Variants in ADAD1 observed in about 807,000 individuals in gnomAD.
ADAD1 encodes adenosine deaminase domain containing 1, also known as adenosine deaminase domain-containing protein 1.
Under a neutral mutation model 66.8 loss-of-function variants are expected in ADAD1, and 46 were observed. The ratio of observed to expected loss-of-function variants is 0.69; its 90% CI spans 0.54 to 0.88. The LOEUF (loss-of-function observed/expected upper bound fraction) is 0.88. Ranked by LOEUF, ADAD1 falls within the 40% of genes least tolerant of loss-of-function variation. ADAD1 has a pLI of 0.00. For synonymous variants in ADAD1, 248 were observed against 229.4 expected (o/e 1.08, Z -0.73); for missense variants, 617 against 681.8 (o/e 0.91, Z 1.06).
chr4:122,381,306 T>C (rs896183300), intron 4 of ADAD1, 126 bp downstream of exon 4: 4 of 971,992 alleles, frequency 4.1e-6, no homozygotes, highest in Non-Finnish European at 5.8e-6. Flanking sequence ...ACAAGAATAC[T>C]TAAATGTTTA....
At chr4:122,403,412 C>T (rs927685693) in intron 7 of ADAD1, among the ~76,000 whole-genome samples, 1 of 152,178 alleles carries the variant, frequency 6.6e-6, no homozygotes, top group Non-Finnish European at 1.5e-5. Flanking sequence ...GCGAAGTGGA[C>T]TCTGTGGGAA....
chr4:122,414,262 A>T, intron 10 of ADAD1, among the ~76,000 whole-genome samples: 3 of 109,240 alleles, frequency 2.7e-5, no homozygotes, highest in South Asian at 4.1e-4. Context: ...CTTTTTCCAA[A>T]TGTCTTTTTT....
At chr4:122,416,333 G>C (rs907035421) in intron 11 of ADAD1, among the ~76,000 whole-genome samples, 1 of 152,174 alleles carries the variant, frequency 6.6e-6, no homozygotes, top group African/African-American at 2.4e-5. Flanking sequence ...TGTTCTTTTA[G>C]TGTGAACATA....
At chr4:122,420,373 T>TTA (rs1796946797) in intron 11 of ADAD1, among the ~76,000 whole-genome samples, 1 of 152,244 alleles carries the variant, frequency 6.6e-6, no homozygotes, top group South Asian at 2.1e-4. Flanking sequence ...TGAGCTGATC[T>TTA]TAGCCTGTGT....
rs959210665 is a variant in ADAD1, at chr4:122,421,266, C to T, written c.1493C>T (p.Pro498Leu). ...GLSGKITESS[P>L]FKSGMSMASR... ...TTTTATTTCTCTCTGCTTAGTTCCC[C>T]ATTTAAAAGTGGTATGTCAATGGCA... is the stretch of plus-strand genomic sequence containing the variant. Residue 498 changes from proline (P) to leucine (L), a missense_variant, in exon 12 of 13, where the codon CCA becomes CTA. Transcript: ENST00000296513. 1.9e-6 allele frequency: 3 copies of T among 1,587,460 alleles called. No individual in the cohort carries two copies. The highest frequency in any genetic ancestry group is 2.6e-6 in the Non-Finnish European group (3 of 1,163,792).
In ADAD1 at chr4:122,412,767, A is replaced by G. The variant is rs1340778292; in HGVS notation, c.1207A>G (p.Ser403Gly). ...GCTTGGTGTACAGGGAGCATTGCTG[A>G]GTCATTTTATACAGCCAGTTTACAT... is the stretch of plus-strand genomic sequence containing the variant. ...EVLGVQGALLSHFIQPVYISS... is the reference protein window; with the variant it reads ...EVLGVQGALLGHFIQPVYISS... The change falls in exon 10 of 13, where the codon AGT becomes GGT. Residue 403 changes from serine to glycine, a missense_variant. Ser to Gly is a moderately conservative substitution (Grantham distance 56). Transcript: ENST00000296513. The G allele has an allele frequency of 2.5e-6, 4 of 1,613,758 alleles. No homozygotes were observed. Among genetic ancestry groups the G allele is most frequent in the Non-Finnish European group, 3.4e-6 (4 of 1,179,800 alleles).
Position 122,381,052 on chromosome 4 carries a change from C to A in ADAD1, c.233C>A (p.Pro78His). The change falls in exon 4 of 13, where the codon CCT becomes CAT. Residue 78 changes from proline (P) to histidine (H), a missense_variant. Transcript: ENST00000296513. ...NLSSISNPVL[P>H]PKKIPKEFIM... is the part of the protein sequence containing the mutation. The stretch of plus-strand genomic sequence containing the variant: ...TCATCTATTTCAAATCCTGTCCTTC[C>A]TCCAAAAAAAATACCTAAGGAATTT... 1 of 1,599,002 alleles carries A rather than the reference C, an allele frequency of 6.3e-7. No individual in the cohort carries two copies. Among genetic ancestry groups the A allele is most frequent in the Non-Finnish European group, 8.5e-7 (1 of 1,176,684 alleles).
At position 122,411,236 on chromosome 4, in the gene ADAD1, A is replaced by G; in HGVS notation, c.863A>G (p.Gln288Arg). Residue 288 changes from glutamine to arginine, a missense_variant, in exon 9 of 13, where the codon CAA (glutamine) becomes CGA (arginine). Transcript: ENST00000296513. ...RRSLLRYFYR[Q>R]LLLFYSKNPA... ...ATTTATTTTAGGTACTTTTATAGAC[A>G]ACTTCTGCTCTTCTACAGCAAAAAT... 1 of 1,597,434 alleles carries G rather than the reference A, an allele frequency of 6.3e-7. No individual in the cohort carries two copies. The highest frequency in any genetic ancestry group is 8.5e-7 in the Non-Finnish European group (1 of 1,175,634).
chr4:122,423,610 AAG>A, intron 12 of ADAD1, among the ~76,000 whole-genome samples: 1 of 152,290 alleles, frequency 6.6e-6, no homozygotes, highest in Non-Finnish European at 1.5e-5. Flanking sequence ...AAATTTGAAA[AAG>A]AAAAAAAGTT....
intron 4 of ADAD1, 69 bp from the exon 5 acceptor site, chr4:122,383,730 A>G (rs998925938): frequency 6.2e-6 from 9 of 1,459,768 alleles, no homozygotes; most frequent in East Asian, 2.4e-5. Flanking sequence ...ATGTTTTCCT[A>G]TGTACATACA....
At position 122,415,760 on chromosome 4, in the gene ADAD1, C is replaced by T. The variant is rs77446285; in HGVS notation, c.1487+144C>T. ...TCATTAGTCAAGTGTGACTATGTTA[C>T]AGGCATTGTACTAATTTTAAAAATT... is the stretch of plus-strand genomic sequence containing the variant. On this transcript the variant is annotated intron_variant, in intron 11 of 12. Coordinates refer to ENST00000296513, the MANE Select transcript of ADAD1 (RefSeq NM_139243.4). 6,036 of 763,858 alleles carry T rather than the reference C, an allele frequency of 7.9e-3. 61 individuals are homozygous for T. The highest frequency in any genetic ancestry group is 0.031 in the South Asian group (1,310 of 42,408). 47.3% of individuals were successfully genotyped at this position (763,858 alleles called of 1,614,324 possible).
At chr4:122,396,448 G>T in intron 7 of ADAD1, 71 bp downstream of exon 7, 1 of 1,304,378 alleles carries the variant, frequency 7.7e-7, no homozygotes, top group Non-Finnish European at 1.0e-6. Context: ...AACTATCTTT[G>T]CCCCTGTACA....
chr4:122,388,824 T>C (rs1335134787), intron 5 of ADAD1, among the ~76,000 whole-genome samples: 1 of 152,162 alleles, frequency 6.6e-6, no homozygotes, highest in African/African-American at 2.4e-5. Context: ...AAACAGCTTC[T>C]GGATTCGATT....
chr4:122,404,035 G>A (rs1229491383), intron 7 of ADAD1, among the ~76,000 whole-genome samples: 3 of 152,170 alleles, frequency 2.0e-5, no homozygotes, highest in African/African-American at 4.8e-5. Flanking sequence ...CCCGCCAACA[G>A]AGCCCAGTTT....
At chr4:122,400,758 A>G (rs935712776) in intron 7 of ADAD1, among the ~76,000 whole-genome samples, 3 of 152,078 alleles carry the variant, frequency 2.0e-5, no homozygotes, top group Admixed American at 1.3e-4. Context: ...GAATTTATCC[A>G]TCTCTTCTAG....
At chr4:122,380,945 G>A (rs769173048) in intron 3 of ADAD1, 47 bp from the exon 4 acceptor site, 2 of 1,503,692 alleles carry the variant, frequency 1.3e-6, no homozygotes, top group South Asian at 1.3e-5. Flanking sequence ...GCTCATTTTT[G>A]TTTGTTTGTT....
At chr4:122,426,933 G>A (rs1797266753) in intron 12 of ADAD1, among the ~76,000 whole-genome samples, 1 of 152,208 alleles carries the variant, frequency 6.6e-6, no homozygotes, top group African/African-American at 2.4e-5. Context: ...TGGGGAAGAA[G>A]GCGAGAATGT....
chr4:122,404,067 G>A (rs557770350), intron 7 of ADAD1, among the ~76,000 whole-genome samples: 1 of 152,300 alleles, frequency 6.6e-6, no homozygotes, highest in South Asian at 2.1e-4. Context: ...GCAGCAGGCA[G>A]CGCTGAGATC....
rs1029272262 is a variant in ADAD1, at chr4:122,383,852, T to C, written c.415T>C (p.Tyr139His). 6 of 1,613,844 alleles carry C rather than the reference T, an allele frequency of 3.7e-6. No individual in the cohort carries two copies. The African/African-American group carries it at 8.0e-5, about 22-fold the overall frequency. Residue 139 changes from tyrosine to histidine, a missense_variant, in exon 5 of 13, where the codon TAC (tyrosine) becomes CAC (histidine). Transcript: ENST00000296513. ...AFCAVVDGIQ[Y>H]KTGLGQNKKE... ...TTGTGCTGTGGTGGATGGTATTCAGTACAAGACTGGACTGGGACAAAATAA... is the reference window on the plus strand; with the variant it reads ...TTGTGCTGTGGTGGATGGTATTCAGCACAAGACTGGACTGGGACAAAATAA...
Sources: allele counts gnomAD v4.1 joint callset (sites outside exome capture counted in the v4.1 genomes callset), GRCh38; gene constraint gnomAD v4.1.1; transcripts MANE v1.5; gene names NCBI Gene and HGNC (gene_info 2026-07-23, HGNC 2026-07-21).